The following TSPAN15 variants were observed in gnomAD, a reference collection of about 807,000 sequenced individuals.
TSPAN15 encodes tetraspanin-15.
TSPAN15 carries 20 observed loss-of-function variants against 34.5 expected under a neutral mutation model. The observed-to-expected ratio is 0.58, with a 90% CI of 0.41 to 0.84. The LOEUF is 0.84. Among genes scored for constraint, TSPAN15 ranks in the 40% least tolerant of loss-of-function variants. TSPAN15 has a pLI of 0.00. For missense variants in TSPAN15, 313 were observed against 386.1 expected (o/e 0.81, Z 1.59); for synonymous variants, 155 against 153.9 (o/e 1.01, Z -0.05).
chr10:69,489,796 T>C (rs564987665), intron 3 of TSPAN15, among the ~76,000 whole-genome samples: 2,351 of 152,338 alleles, frequency 0.015, 73 homozygotes, highest in African/African-American at 0.054. Context: ...ACTGGGGAGC[T>C]GGGCACAGAG....
the TSPAN15 span, among the ~76,000 whole-genome samples, chr10:69,518,316 C>T: frequency 4.6e-5 from 7 of 152,368 alleles, no homozygotes; most frequent in Non-Finnish European, 8.8e-5. Context: ...ACAAGGGTCA[C>T]GGGTGTCTCA....
the TSPAN15 span, among the ~76,000 whole-genome samples, chr10:69,529,669 T>C: frequency 2.4e-4 from 35 of 148,030 alleles, 2 homozygotes; most frequent in South Asian, 6.4e-3. Context: ...TCCCATCTTA[T>C]GTGTCTACTA....
intron 1 of TSPAN15, among the ~76,000 whole-genome samples, chr10:69,462,786 C>G (rs1344802732): frequency 6.6e-6 from 1 of 152,216 alleles, no homozygotes; most frequent in Non-Finnish European, 1.5e-5. Context: ...AATGTGAAAC[C>G]TTCTTCTGAC....
At chr10:69,539,557 G>GAAGA in the TSPAN15 span, among the ~76,000 whole-genome samples, 1 of 90,220 alleles carries the variant, frequency 1.1e-5, no homozygotes. Flanking sequence ...GAAGGAGAAG[G>GAAGA]AGAAGGAGAA....
downstream of TSPAN15, among the ~76,000 whole-genome samples, chr10:69,511,269 A>T (rs1264543401): frequency 6.6e-6 from 1 of 152,208 alleles, no homozygotes; most frequent in East Asian, 1.9e-4. Context: ...TTATTGGTCT[A>T]TTCAGGGATT....
intron 3 of TSPAN15, among the ~76,000 whole-genome samples, chr10:69,490,025 C>T (rs764879573): frequency 5.3e-5 from 8 of 152,270 alleles, no homozygotes; most frequent in African/African-American, 1.4e-4. Context: ...CTGGAGGGTC[C>T]GGGCAGTAGC....
intron 1 of TSPAN15, among the ~76,000 whole-genome samples, chr10:69,458,276 G>A (rs568629301): frequency 1.3e-5 from 2 of 152,148 alleles, no homozygotes; most frequent in Non-Finnish European, 2.9e-5. Flanking sequence ...TTACTTTCGA[G>A]AAGAGCTTTA....
downstream of TSPAN15, chr10:69,507,804 G>A (rs368500100): frequency 9.4e-6 from 5 of 530,016 alleles, no homozygotes; most frequent in South Asian, 4.0e-5. Context: ...GGATACAGGT[G>A]GGGGGTTGGG....
chr10:69,466,027 G>A (rs1271528405), intron 1 of TSPAN15, among the ~76,000 whole-genome samples: 2 of 152,244 alleles, frequency 1.3e-5, no homozygotes, highest in African/African-American at 4.8e-5. Flanking sequence ...TTGCCACCTT[G>A]TGTGGGGATA....
chr10:69,459,954 C>T (rs1841210583), intron 1 of TSPAN15, among the ~76,000 whole-genome samples: 1 of 150,048 alleles, frequency 6.7e-6, no homozygotes. Context: ...GACTCTAGGG[C>T]TCCCTGCCCA....
chr10:69,462,596 A>G (rs1325449346), intron 1 of TSPAN15, among the ~76,000 whole-genome samples: 2 of 152,070 alleles, frequency 1.3e-5, no homozygotes, highest in East Asian at 3.9e-4. Flanking sequence ...CGGCCTCCCA[A>G]AGTGCTGGGA....
At chr10:69,539,533 A>AAGAAGGAGAAGG in the TSPAN15 span, among the ~76,000 whole-genome samples, 34 of 48,300 alleles carry the variant, frequency 7.0e-4, 3 homozygotes, top group African/African-American at 1.4e-3. Flanking sequence ...GAAGAAGAAG[A>AAGAAGGAGAAGG]AGAAGGAGAA....
chr10:69,483,494 C>T (rs777369978), intron 1 of TSPAN15, among the ~76,000 whole-genome samples, 197 bp from the exon 2 acceptor site: 2 of 152,172 alleles, frequency 1.3e-5, no homozygotes, highest in Non-Finnish European at 2.9e-5. Flanking sequence ...AATATAGTCA[C>T]ATTTCGAGGT....
rs1197882360 is a variant in TSPAN15 at position 69,503,633 on chromosome 10, G to A, written c.571-805G>A. 5.3e-5 allele frequency among the ~76,000 whole-genome samples: 8 copies of A among 152,274 alleles called. No individual in the cohort carries two copies. In the East Asian group the frequency reaches 1.5e-3, roughly 29 times the overall value. ...CTGGGGGCTCTGCTGTTGCCCTCCT[G>A]AGTCATCACTGGCGCCTGCAGCACT... is the stretch of plus-strand genomic sequence containing the variant. On this transcript the variant is annotated intron_variant, in intron 5 of 7. Transcript: ENST00000373290.
intron 3 of TSPAN15, among the ~76,000 whole-genome samples, chr10:69,492,136 G>C (rs185096679): frequency 1.3e-5 from 2 of 152,320 alleles, no homozygotes; most frequent in East Asian, 3.9e-4. Flanking sequence ...TGCCCCTGCT[G>C]GCATGGCCTG....
At chr10:69,496,011 G>T (rs1454649857) in intron 4 of TSPAN15, among the ~76,000 whole-genome samples, 1 of 152,058 alleles carries the variant, frequency 6.6e-6, no homozygotes, top group Non-Finnish European at 1.5e-5. Flanking sequence ...AACCTTGCAG[G>T]GTCCCAGGGC....
chr10:69,509,276 G>A (rs1405945389), downstream of TSPAN15, among the ~76,000 whole-genome samples: 1 of 152,122 alleles, frequency 6.6e-6, no homozygotes, highest in Non-Finnish European at 1.5e-5. Flanking sequence ...ATGTGGACCA[G>A]CGCTGGTGCC....
rs890554795 is a variant in TSPAN15 at position 69,451,718 on chromosome 10, TG to T, written c.96+33del. On this transcript the variant is annotated intron_variant, in intron 1 of 7. Coordinates refer to ENST00000373290, the MANE Select transcript of TSPAN15 (RefSeq NM_012339.5). ...GAGTGACCCCAGTAGGGCCCGGGGATGGGGGTGGGGACCCACAATCCGGCCG... is the reference window on the plus strand; with the variant it reads ...GAGTGACCCCAGTAGGGCCCGGGGATGGGGTGGGGACCCACAATCCGGCCG... 4.6e-5 allele frequency: 65 copies of T among 1,415,062 alleles called. 2 individuals are homozygous for T. In the Admixed American group the frequency reaches 1.2e-3, roughly 25 times the overall value. 87.7% of individuals were successfully genotyped at this position (1,415,062 alleles called of 1,614,324 possible). A position where few individuals can be genotyped will look rare whatever the true frequency, so the allele number is the denominator to read the frequency against.
At chr10:69,516,446 A>G in the TSPAN15 span, among the ~76,000 whole-genome samples, 1 of 152,200 alleles carries the variant, frequency 6.6e-6, no homozygotes, top group African/African-American at 2.4e-5. Flanking sequence ...TCATGTGGCC[A>G]CCAGAGGGAG....
Sources: gnomAD v4.1 joint callset for allele counts (sites outside exome capture counted in the v4.1 genomes callset) on GRCh38, gnomAD v4.1.1 for gene constraint, MANE v1.5 for transcripts, NCBI Gene and HGNC (gene_info 2026-07-23, HGNC 2026-07-21) for gene names.